TRIM33: variants seen among roughly 807,000 people sequenced by gnomAD.
TRIM33 encodes the protein E3 ubiquitin-protein ligase TRIM33.
Under a neutral mutation model 125.4 loss-of-function variants are expected in TRIM33, and 20 were observed. The ratio of observed to expected loss-of-function variants is 0.16; its 90% confidence interval spans 0.11 to 0.23. The LOEUF (loss-of-function observed/expected upper bound fraction) is 0.23, where lower values mean the gene tolerates loss of function less well. Among genes scored for constraint, TRIM33 ranks in the 10% least tolerant of loss-of-function variants. TRIM33 has a pLI of 1.00. For missense variants in TRIM33, 920 were observed against 1,411.4 expected, an observed-to-expected ratio of 0.65 and a Z score of 5.58; for synonymous variants, 564 against 513.9, an observed-to-expected ratio of 1.10 and a Z score of -1.32.
intron 1 of TRIM33, among the ~76,000 whole-genome samples, chr1:114,475,701 A>C (rs1650938362): frequency 6.6e-6 from 1 of 151,298 alleles, no homozygotes; most frequent in African/African-American, 2.4e-5. Flanking sequence ...ATAAATGTTT[A>C]ACAAAGCAAA....
chr1:114,421,363 A>C (rs1037602027), intron 11 of TRIM33, 73 bp downstream of exon 11: 24 of 1,358,838 alleles, frequency 1.8e-5, no homozygotes, highest in Non-Finnish European at 2.5e-5. Flanking sequence ...AAAAAAAAAA[A>C]CTCTGAAATA....
intron 1 of TRIM33, among the ~76,000 whole-genome samples, chr1:114,508,966 C>T (rs1430081490): frequency 6.6e-6 from 1 of 152,118 alleles, no homozygotes; most frequent in Non-Finnish European, 1.5e-5. Context: ...ATTTCCAAAC[C>T]CTACCGTTCC....
intron 11 of TRIM33, among the ~76,000 whole-genome samples, chr1:114,418,939 G>A (rs1653101858): frequency 6.6e-6 from 1 of 152,004 alleles, no homozygotes; most frequent in Admixed American, 6.6e-5. Context: ...CCCCTAAGCT[G>A]CCAGGCGCAG....
intron 11 of TRIM33, among the ~76,000 whole-genome samples, chr1:114,417,814 A>G (rs945845490): frequency 2.6e-5 from 4 of 152,008 alleles, no homozygotes; most frequent in Non-Finnish European, 5.9e-5. Flanking sequence ...ATGCACCACC[A>G]TGCCCGGCTA....
chr1:114,430,918 T>A lies in TRIM33; in HGVS notation c.1041-6A>T. On this transcript the variant is annotated splice_polypyrimidine_tract_variant and splice_region_variant and intron_variant, in intron 5 of 19. Coordinates refer to ENST00000358465, the MANE Select transcript of TRIM33 (RefSeq NM_015906.4). ...TCTCATTTACTTCTTTTATCCTGAA[T>A]AAGAGAAATGCATCATTAGGTTATC... 2.1e-6 allele frequency: 3 copies of A among 1,461,170 alleles called. No individual in the cohort carries two copies. In the East Asian group the frequency reaches 6.8e-5, roughly 33 times the overall value. The allele number at this position is 1,461,170 out of a possible 1,614,324, so 90.5% of individuals were successfully genotyped here.
chr1:114,489,645 TG>T (rs964867524), intron 1 of TRIM33, among the ~76,000 whole-genome samples: 1 of 151,820 alleles, frequency 6.6e-6, no homozygotes, highest in Admixed American at 6.6e-5. Flanking sequence ...CTTGGGAGGC[TG>T]GGGTGGGAGG....
chr1:114,505,141 T>C (rs1652919056), intron 1 of TRIM33, among the ~76,000 whole-genome samples: 1 of 152,192 alleles, frequency 6.6e-6, no homozygotes, highest in Non-Finnish European at 1.5e-5. Context: ...GTCATTCCAG[T>C]AGTAAATGGT....
chr1:114,482,780 T>A lies in TRIM33; in HGVS notation c.527-18392A>T, dbSNP rs114522046. Among the ~76,000 whole-genome samples the A allele has an allele frequency of 5.2e-3, 793 of 152,254 alleles. 6 individuals carry two copies. The highest frequency in any genetic ancestry group is 0.018 in the African/African-American group (747 of 41,536). On this transcript the variant is annotated intron_variant, in intron 1 of 19. Coordinates refer to ENST00000358465, the MANE Select transcript of TRIM33 (RefSeq NM_015906.4). ...AAGTCTGCAGCACTTCCCCCTTCAC[T>A]CTCTCTTCCTCCTGTCAGCCGTATG...
intron 1 of TRIM33, among the ~76,000 whole-genome samples, chr1:114,492,096 TG>T (rs1652105173): frequency 6.6e-6 from 1 of 152,162 alleles, no homozygotes; most frequent in Non-Finnish European, 1.5e-5. Flanking sequence ...TCACCTCAGC[TG>T]GGAATATGTG....
chr1:114,430,968 T>C, intron 5 of TRIM33, 56 bp from the exon 6 acceptor site: 1 of 989,086 alleles, frequency 1.0e-6, no homozygotes. Flanking sequence ...CTCTGAATCA[T>C]CAACTGTTAC....
intron 6 of TRIM33, 66 bp from the exon 7 acceptor site, chr1:114,427,960 T>C (rs375066696): frequency 6.4e-7 from 1 of 1,551,334 alleles, no homozygotes; most frequent in East Asian, 2.3e-5. Flanking sequence ...ACATTTCTAA[T>C]GCAAATGGGC....
chr1:114,425,770 T>C, intron 8 of TRIM33, 47 bp from the exon 9 acceptor site: 1 of 1,380,570 alleles, frequency 7.2e-7, no homozygotes, highest in Non-Finnish European at 1.0e-6. Context: ...AACTAAATCA[T>C]CTACTTTGTT....
intron 4 of TRIM33, among the ~76,000 whole-genome samples, chr1:114,449,486 A>G (rs555492370): frequency 5.9e-4 from 90 of 152,266 alleles, no homozygotes; most frequent in African/African-American, 2.1e-3. Context: ...AAATGTAACA[A>G]TATTAGTCTA....
chr1:114,418,549 A>G (rs1210528504), intron 11 of TRIM33, among the ~76,000 whole-genome samples: 1 of 152,166 alleles, frequency 6.6e-6, no homozygotes, highest in Non-Finnish European at 1.5e-5. Flanking sequence ...TGTAAAGTTA[A>G]AAAGAGACCA....
At chr1:114,509,719 T>C (rs529726729) in intron 1 of TRIM33, among the ~76,000 whole-genome samples, 120 of 152,294 alleles carry the variant, frequency 7.9e-4, no homozygotes, top group African/African-American at 2.6e-3. Context: ...TCCCTGACCT[T>C]TCCTCTATTG....
Position 114,395,819 on chromosome 1 carries a change from A to C in TRIM33, c.*1829T>G, listed in dbSNP as rs1260270786. ...TAAAGTAAATCAATAGTAATAATAA[A>C]ATCAATACTCTTTAAATACACAACC... On this transcript the variant is annotated 3_prime_UTR_variant, in exon 20 of 20. Coordinates refer to ENST00000358465, the MANE Select transcript of TRIM33 (RefSeq NM_015906.4). 5.2e-6 allele frequency: 1 copy of C among 191,400 alleles called. No homozygotes were observed. The highest frequency in any genetic ancestry group is 2.3e-5 in the African/African-American group (1 of 43,032). The allele number at this position is 191,400 out of a possible 1,614,324, so 11.9% of individuals were successfully genotyped here. A position where few individuals can be genotyped will look rare whatever the true frequency, so the allele number is the denominator to read the frequency against.
chr1:114,452,731 A>G, intron 4 of TRIM33, among the ~76,000 whole-genome samples: 1 of 72,864 alleles, frequency 1.4e-5, no homozygotes, highest in Non-Finnish European at 3.0e-5. Flanking sequence ...ATCTCTTAAA[A>G]AAAAAAAAAA....
At chr1:114,414,070 C>CACACACA in intron 11 of TRIM33, among the ~76,000 whole-genome samples, 1 of 147,592 alleles carries the variant, frequency 6.8e-6, no homozygotes, top group African/African-American at 2.5e-5. Context: ...CACACACACA[C>CACACACA]GTTTTTAAAT....
Position 114,424,618 on chromosome 1 carries a change from G to A in TRIM33, c.1833C>T (p.Ser611=). ...GTCTTTGGAGGTGTGGCTGCATCAT[G>A]GAATATTGAGGGCCGCTGTGCCTGG... ...GIPRHSGPQY[S]MMQPHLQRQH... is the part of the protein sequence containing the mutation. Residue 611 remains serine (S), a synonymous_variant, in exon 10 of 20, where the codon TCC becomes TCT. Coordinates refer to ENST00000358465, the MANE Select transcript of TRIM33 (RefSeq NM_015906.4). 6.2e-7 allele frequency: 1 copy of A among 1,601,786 alleles called. No homozygotes were observed.
Sources: allele counts gnomAD v4.1 joint callset (sites outside exome capture counted in the v4.1 genomes callset), GRCh38; gene constraint gnomAD v4.1.1; transcripts MANE v1.5; gene names NCBI Gene and HGNC (gene_info 2026-07-23, HGNC 2026-07-21).